TAOK3: variants seen among roughly 807,000 people sequenced by gnomAD.
TAOK3 encodes serine/threonine-protein kinase TAO3.
A neutral mutation model predicts 120.4 loss-of-function variants in TAOK3; 40 were observed. The ratio of observed to expected loss-of-function variants is 0.33; its 90% CI spans 0.26 to 0.43. The LOEUF is 0.43. Ranked by LOEUF, TAOK3 falls within the 20% of genes least tolerant of loss-of-function variation. TAOK3 has a pLI of 1.00. For synonymous variants in TAOK3, 355 were observed against 387.5 expected, an observed-to-expected ratio of 0.92 and a Z score of 0.99; for missense variants, 821 against 1,112.1, an observed-to-expected ratio of 0.74 and a Z score of 3.72.
chr12:118,247,912 C>T (rs2040585898), intron 3 of TAOK3, among the ~76,000 whole-genome samples: 1 of 152,054 alleles, frequency 6.6e-6, no homozygotes, highest in Non-Finnish European at 1.5e-5. Context: ...CAGTGCCATA[C>T]CCCTAATGTA....
At chr12:118,286,839 G>C (rs564725531) in intron 1 of TAOK3, among the ~76,000 whole-genome samples, 98 of 152,294 alleles carry the variant, frequency 6.4e-4, no homozygotes, top group African/African-American at 2.2e-3. Flanking sequence ...CAATCAATGA[G>C]TGGATAAAGA....
intron 2 of TAOK3, among the ~76,000 whole-genome samples, chr12:118,263,997 T>C (rs2041340448): frequency 6.6e-6 from 1 of 151,984 alleles, no homozygotes. Context: ...ACCCAGGAGG[T>C]GGAAGTTGCA....
intron 1 of TAOK3, among the ~76,000 whole-genome samples, chr12:118,299,031 A>C (rs2042781409): frequency 6.6e-6 from 1 of 152,182 alleles, no homozygotes; most frequent in South Asian, 2.1e-4. Context: ...TTGTTACCTA[A>C]GCTGGCAAGT....
chr12:118,341,471 G>T (rs553466897), intron 1 of TAOK3, among the ~76,000 whole-genome samples: 1 of 151,984 alleles, frequency 6.6e-6, no homozygotes, highest in Admixed American at 6.6e-5. Flanking sequence ...TGGCAATAAT[G>T]CAATGCATTT....
chr12:118,348,009 T>C (rs532818798), intron 1 of TAOK3, among the ~76,000 whole-genome samples: 1 of 152,376 alleles, frequency 6.6e-6, no homozygotes, highest in South Asian at 2.1e-4. Context: ...AACCTCCTGT[T>C]ATGTGGCTCT....
chr12:118,238,217 T>C, intron 6 of TAOK3, 48 bp from the exon 7 acceptor site: 1 of 1,185,704 alleles, frequency 8.4e-7, no homozygotes, highest in Non-Finnish European at 1.2e-6. Flanking sequence ...GTTTCATTCC[T>C]CATTTTATTA....
rs1012536428 is a variant in TAOK3, at chr12:118,245,312, AG to A, written c.121-348del. Among the ~76,000 whole-genome samples the A allele has an allele frequency of 1.4e-4, 21 of 151,982 alleles. 1 individual carries two copies. Among genetic ancestry groups the A allele is most frequent in the South Asian group, 2.1e-4 (1 of 4,812 alleles). On this transcript the variant is annotated intron_variant, in intron 3 of 20. Transcript: ENST00000392533. ...CGGCCTCCCAAAGTGCTGAGATTAC[AG>A]GTGTTTTATTTTATTTTTGGAGAAA...
intron 3 of TAOK3, among the ~76,000 whole-genome samples, chr12:118,255,212 A>G (rs2040928507): frequency 6.6e-6 from 1 of 152,256 alleles, no homozygotes; most frequent in African/African-American, 2.4e-5. Context: ...TAGAAAAATC[A>G]CTGAAACCAA....
intron 1 of TAOK3, among the ~76,000 whole-genome samples, chr12:118,343,939 G>A (rs1297853037): frequency 1.3e-5 from 2 of 151,506 alleles, no homozygotes; most frequent in Non-Finnish European, 2.9e-5. Context: ...ATGAACCTAG[G>A]AGGTGGAGCT....
Position 118,309,104 on chromosome 12 carries a change from G to A in TAOK3, c.-193-42345C>T, listed in dbSNP as rs772109362. Among the ~76,000 whole-genome samples, 7 of 151,962 alleles carry A rather than the reference G, an allele frequency of 4.6e-5. 1 individual carries two copies. The highest frequency in any genetic ancestry group is 1.3e-4 in the Admixed American group (2 of 15,252). On this transcript the variant is annotated intron_variant, in intron 1 of 20. Transcript: ENST00000392533. ...AGCACTTTGGGAGGCCAAGGAGGGC[G>A]GGTCACCTGAGGTCAGGAGTTCGAG... is the stretch of plus-strand genomic sequence containing the variant.
chr12:118,331,399 C>T (rs1435550547), intron 1 of TAOK3, among the ~76,000 whole-genome samples: 1 of 152,008 alleles, frequency 6.6e-6, no homozygotes, highest in East Asian at 1.9e-4. Context: ...AATCCCAGCA[C>T]TTTGGGAGGC....
chr12:118,283,219 T>G (rs1483712481), intron 1 of TAOK3, among the ~76,000 whole-genome samples: 1 of 152,208 alleles, frequency 6.6e-6, no homozygotes, highest in Admixed American at 6.5e-5. Flanking sequence ...CTGCTATACT[T>G]AAGATATTGT....
At chr12:118,355,908 G>A (rs1389581336) in intron 1 of TAOK3, among the ~76,000 whole-genome samples, 2 of 152,150 alleles carry the variant, frequency 1.3e-5, no homozygotes, top group African/African-American at 2.4e-5. Flanking sequence ...GAGGTTAAGG[G>A]ATTTGTGCAA....
intron 1 of TAOK3, among the ~76,000 whole-genome samples, chr12:118,328,919 A>G (rs1042720425): frequency 1.3e-5 from 2 of 152,362 alleles, no homozygotes; most frequent in East Asian, 1.9e-4. Context: ...CGGCAAATCT[A>G]TTATGTGCCA....
At chr12:118,208,316 G>T (rs1456737410) in intron 11 of TAOK3, among the ~76,000 whole-genome samples, 1 of 151,844 alleles carries the variant, frequency 6.6e-6, no homozygotes, top group Non-Finnish European at 1.5e-5. Flanking sequence ...GCTTAGCTGG[G>T]GGAAAAAAGG....
At chr12:118,291,605 C>A (rs2042484760) in intron 1 of TAOK3, among the ~76,000 whole-genome samples, 1 of 152,088 alleles carries the variant, frequency 6.6e-6, no homozygotes, top group Non-Finnish European at 1.5e-5. Context: ...AAGTTCATTA[C>A]TTTATTAAAC....
At chr12:118,239,667 G>T (rs1226185362) in intron 5 of TAOK3, among the ~76,000 whole-genome samples, 1 of 152,050 alleles carries the variant, frequency 6.6e-6, no homozygotes, top group African/African-American at 2.4e-5. Flanking sequence ...TCTATTTTGG[G>T]GTTATACCAG....
At chr12:118,165,879 C>T (rs899549668) in intron 17 of TAOK3, among the ~76,000 whole-genome samples, 1 of 152,264 alleles carries the variant, frequency 6.6e-6, no homozygotes, top group East Asian at 1.9e-4. Flanking sequence ...ACTGAAATGG[C>T]TTTTCTGTTA....
intron 1 of TAOK3, among the ~76,000 whole-genome samples, chr12:118,361,181 T>C (rs1300193586): frequency 6.6e-6 from 1 of 152,216 alleles, no homozygotes; most frequent in Non-Finnish European, 1.5e-5. Context: ...ATTTTATTAT[T>C]ATTTTGGTCT....
Sources: allele counts gnomAD v4.1 joint callset (sites outside exome capture counted in the v4.1 genomes callset), GRCh38; gene constraint gnomAD v4.1.1; transcripts MANE v1.5; gene names NCBI Gene and HGNC (gene_info 2026-07-23, HGNC 2026-07-21).